The following CAMTA1 variants were observed in gnomAD, a reference collection of about 807,000 sequenced individuals.
The protein encoded by CAMTA1 is calmodulin-binding transcription activator 1.
In CAMTA1, 27 loss-of-function variants were observed where a neutral mutation model predicts 170.9. The ratio of observed to expected loss-of-function variants is 0.16; its 90% CI spans 0.12 to 0.22. CAMTA1 has a LOEUF of 0.22. Ranked by LOEUF, CAMTA1 falls within the 10% of genes least tolerant of loss-of-function variation. The probability of loss-of-function intolerance (pLI) is 1.00; values close to 1 mark genes in which losing one functional copy is unlikely to be tolerated. For missense variants in CAMTA1, 1,619 were observed against 2,217.2 expected (o/e 0.73, Z 5.42); for synonymous variants, 833 against 891.5 (o/e 0.93, Z 1.17).
intron 3 of CAMTA1, among the ~76,000 whole-genome samples, chr1:7,075,986 A>T (rs1164958730): frequency 6.6e-6 from 1 of 152,118 alleles, no homozygotes; most frequent in Non-Finnish European, 1.5e-5. Context: ...TTTAGACCCT[A>T]ACTTAGGTGC....
rs2096855871 is a variant in CAMTA1 at position 7,746,186 on chromosome 1, C to G, written c.4617+95C>G. On this transcript the variant is annotated intron_variant, in intron 18 of 22. Coordinates refer to ENST00000303635, the MANE Select transcript of CAMTA1 (RefSeq NM_015215.4). ...ATGCGAACAAAAACATTTACTATTTCTTTTTTTCCTCTGAATTTGTAGAAT... is the reference window on the plus strand; with the variant it reads ...ATGCGAACAAAAACATTTACTATTTGTTTTTTTCCTCTGAATTTGTAGAAT... 3 of 1,417,222 alleles carry G rather than the reference C, an allele frequency of 2.1e-6. No individual in the cohort carries two copies. The African/African-American group carries it at 4.3e-5, about 20-fold the overall frequency. 87.8% of individuals were successfully genotyped at this position (1,417,222 alleles called of 1,614,324 possible).
intron 3 of CAMTA1, among the ~76,000 whole-genome samples, chr1:7,013,390 T>G (rs909459306): frequency 6.6e-6 from 1 of 151,904 alleles, no homozygotes; most frequent in Non-Finnish European, 1.5e-5. Context: ...TTTTTGTATT[T>G]TTAGTACAGA....
chr1:7,172,127 G>A (rs993567821), intron 4 of CAMTA1, among the ~76,000 whole-genome samples: 2 of 151,914 alleles, frequency 1.3e-5, no homozygotes, highest in Non-Finnish European at 2.9e-5. Context: ...GTTGAATCAA[G>A]TGGAGGTGGA....
At chr1:6,821,987 CTAGT>C (rs1462294459) in intron 2 of CAMTA1, among the ~76,000 whole-genome samples, 13 of 152,114 alleles carry the variant, frequency 8.5e-5, no homozygotes, top group Admixed American at 8.5e-4. Context: ...AAGAGCCTCA[CTAGT>C]TATTTTTTTA....
chr1:7,528,634 G>A (rs936144433), intron 6 of CAMTA1, among the ~76,000 whole-genome samples: 1 of 152,106 alleles, frequency 6.6e-6, no homozygotes, highest in Admixed American at 6.6e-5. Context: ...CTGGTCCTGG[G>A]AAAGATGGTG....
In CAMTA1 at chr1:7,093,319, C is replaced by T. The variant is rs1641700631; in HGVS notation, c.302+1948C>T. Among the ~76,000 whole-genome samples, 3 of 152,128 alleles carry T rather than the reference C, an allele frequency of 2.0e-5. No homozygotes were observed. In the South Asian group the frequency reaches 6.2e-4, roughly 32 times the overall value. On this transcript the variant is annotated intron_variant, in intron 4 of 22. Coordinates refer to ENST00000303635, the MANE Select transcript of CAMTA1 (RefSeq NM_015215.4). The surrounding 1 kb of genome is among the most constrained non-coding windows in gnomAD (Gnocchi z 4.6). ...TGGTCTGGGACTGTACTTTGAGGGCCACTGGCCTAGTTTTCTGGGGGAGAA... is the reference window on the plus strand; with the variant it reads ...TGGTCTGGGACTGTACTTTGAGGGCTACTGGCCTAGTTTTCTGGGGGAGAA...
At chr1:7,440,047 G>A (rs528992546) in intron 5 of CAMTA1, among the ~76,000 whole-genome samples, 19 of 152,378 alleles carry the variant, frequency 1.2e-4, no homozygotes, top group African/African-American at 1.9e-4. Context: ...AGCACTGGGC[G>A]GGTACCCGCA....
Position 6,887,866 on chromosome 1 carries a change from A to C in CAMTA1, c.234+62656A>C. On this transcript the variant is annotated intron_variant, in intron 3 of 22. Transcript: ENST00000303635. The surrounding 1 kb of genome is among the most constrained non-coding windows in gnomAD (Gnocchi z 4.1). ...TAATTTGAACCGAATGTTACTAAAA[A>C]TGAAATAGAATAAAGTGACCTACTC... 1 of 1,425,084 alleles carries C rather than the reference A, an allele frequency of 7.0e-7. No individual in the cohort carries two copies. Among genetic ancestry groups the C allele is most frequent in the Non-Finnish European group, 9.2e-7 (1 of 1,091,578 alleles). The allele number at this position is 1,425,084 out of a possible 1,614,324, so 88.3% of individuals were successfully genotyped here.
intron 21 of CAMTA1, among the ~76,000 whole-genome samples, chr1:7,755,138 C>T (rs1276073838): frequency 1.3e-5 from 2 of 151,784 alleles, no homozygotes; most frequent in Admixed American, 6.6e-5. Context: ...CCAGCCTGGC[C>T]GACATGGTGA....
At chr1:6,989,873 G>A (rs1696053888) in intron 3 of CAMTA1, among the ~76,000 whole-genome samples, 1 of 152,134 alleles carries the variant, frequency 6.6e-6, no homozygotes, top group South Asian at 2.1e-4. Context: ...TGACCTTGGG[G>A]GGTGAGTCCT....
chr1:7,344,828 A>G (rs1198665796), intron 5 of CAMTA1, among the ~76,000 whole-genome samples: 4 of 151,392 alleles, frequency 2.6e-5, no homozygotes, highest in Non-Finnish European at 5.9e-5. Context: ...GCTCACTGCA[A>G]GCTCTGCCTC....
intron 7 of CAMTA1, among the ~76,000 whole-genome samples, chr1:7,651,221 C>A (rs2095846931): frequency 6.6e-6 from 1 of 152,108 alleles, no homozygotes; most frequent in Non-Finnish European, 1.5e-5. Context: ...TGGCAGGGTA[C>A]CTAGGTGGGT....
chr1:7,725,166 C>T (rs1199197896), intron 11 of CAMTA1, among the ~76,000 whole-genome samples: 5 of 152,184 alleles, frequency 3.3e-5, no homozygotes, highest in East Asian at 1.9e-4. Context: ...TTTACATGCG[C>T]GTGCATGTCT....
chr1:7,493,581 T>A (rs2093774111), intron 6 of CAMTA1, among the ~76,000 whole-genome samples: 1 of 152,092 alleles, frequency 6.6e-6, no homozygotes, highest in South Asian at 2.1e-4. Flanking sequence ...TCCACACACT[T>A]TAGATCCTTC....
chr1:7,002,824 G>A (rs4908432), intron 3 of CAMTA1, among the ~76,000 whole-genome samples: 20,794 of 152,184 alleles, frequency 0.14, 1,538 homozygotes, highest in Non-Finnish European at 0.18. Context: ...AAGAGGGAAC[G>A]TGCCGGTTTG....
intron 3 of CAMTA1, among the ~76,000 whole-genome samples, chr1:6,968,174 G>A (rs1447362912): frequency 2.0e-5 from 3 of 152,146 alleles, no homozygotes; most frequent in Non-Finnish European, 4.4e-5. Flanking sequence ...AGGAGCAGTC[G>A]GCTGTCCGCT....
chr1:7,605,244 A>T (rs2095477232), intron 6 of CAMTA1, among the ~76,000 whole-genome samples: 1 of 152,156 alleles, frequency 6.6e-6, no homozygotes, highest in South Asian at 2.1e-4. Context: ...TGCAGAGGTT[A>T]TTGCTTTCTT....
chr1:7,529,094 C>T (rs1170208589), intron 6 of CAMTA1, among the ~76,000 whole-genome samples: 2 of 152,164 alleles, frequency 1.3e-5, no homozygotes, highest in Non-Finnish European at 2.9e-5. Flanking sequence ...TCTGCCAAGC[C>T]CTGCCCATCC....
rs545318738 is a variant in CAMTA1 at position 6,827,300 on chromosome 1, G to T, written c.234+2090G>T. ...CACAGCTGATGGGTGAAGCCATGCA[G>T]CACCCTTTCCCTTGGGATGGGCTGT... On this transcript the variant is annotated intron_variant, in intron 3 of 22. Coordinates refer to ENST00000303635, the MANE Select transcript of CAMTA1 (RefSeq NM_015215.4). Among the ~76,000 whole-genome samples, 4 of 152,334 alleles carry T rather than the reference G, an allele frequency of 2.6e-5. No individual in the cohort carries two copies. In the South Asian group the frequency reaches 8.3e-4, roughly 32 times the overall value.
Sources: gnomAD v4.1 joint callset for allele counts (sites outside exome capture counted in the v4.1 genomes callset) on GRCh38, gnomAD v4.1.1 for gene constraint, Gnocchi (gnomAD v3.1) non-coding constraint, MANE v1.5 for transcripts, NCBI Gene and HGNC (gene_info 2026-07-23, HGNC 2026-07-21) for gene names.